USH2A: variants seen among roughly 807,000 people sequenced by gnomAD.
The protein encoded by USH2A is usherin, also known as Usher syndrome 2A (autosomal recessive, mild).
A neutral mutation model predicts 538.9 loss-of-function variants in USH2A; 443 were observed. The observed-to-expected ratio is 0.82, with a 90% CI of 0.76 to 0.89. USH2A has a LOEUF of 0.89. USH2A is among the 40% of genes least tolerant of loss of function. The pLI, the probability that USH2A is intolerant of heterozygous loss-of-function variation, is 0.00. For synonymous variants in USH2A, 2,413 were observed against 2,273.5 expected (o/e 1.06, Z -1.75); for missense variants, 6,633 against 6,324.8 (o/e 1.05, Z -1.65).
intron 4 of USH2A, among the ~76,000 whole-genome samples, chr1:216,336,482 T>G (rs1304840735): frequency 6.6e-6 from 1 of 151,166 alleles, no homozygotes; most frequent in Non-Finnish European, 1.5e-5. Context: ...CATAGAAAAC[T>G]CTAAGAAATC....
intron 5 of USH2A, among the ~76,000 whole-genome samples, chr1:216,325,943 A>T (rs1311011230): frequency 6.6e-6 from 1 of 152,314 alleles, no homozygotes; most frequent in African/African-American, 2.4e-5. Flanking sequence ...TTTACTTAGG[A>T]TGCTAAACTA....
At chr1:215,803,083 C>T (rs1055835650) in intron 49 of USH2A, among the ~76,000 whole-genome samples, 65 of 152,068 alleles carry the variant, frequency 4.3e-4, no homozygotes, top group East Asian at 1.3e-3. Context: ...AATTCAACAA[C>T]GCTTCATGCT....
intron 9 of USH2A, among the ~76,000 whole-genome samples, chr1:216,292,989 C>T (rs1404740035): frequency 1.3e-5 from 2 of 151,152 alleles, no homozygotes; most frequent in East Asian, 3.9e-4. Flanking sequence ...GCCTTCATCT[C>T]ACCTATAACT....
intron 38 of USH2A, among the ~76,000 whole-genome samples, chr1:215,901,841 T>C (rs1472852155): frequency 6.6e-6 from 1 of 152,176 alleles, no homozygotes; most frequent in Non-Finnish European, 1.5e-5. Context: ...TCCAAAGCTA[T>C]TCAGAAACTT....
chr1:216,332,758 A>G (rs1026498223), intron 4 of USH2A, among the ~76,000 whole-genome samples: 3 of 152,166 alleles, frequency 2.0e-5, no homozygotes, highest in Admixed American at 6.6e-5. Context: ...ATCACATATG[A>G]CAAAGAAACA....
At chr1:216,233,934 A>G (rs2102525652) in intron 13 of USH2A, among the ~76,000 whole-genome samples, 1 of 152,308 alleles carries the variant, frequency 6.6e-6, no homozygotes, top group African/African-American at 2.4e-5. Flanking sequence ...AAGCCCGTGC[A>G]AAATGCTGCA....
intron 62 of USH2A, 86 bp from the exon 63 acceptor site, chr1:215,675,702 C>A: frequency 4.4e-6 from 7 of 1,603,564 alleles, no homozygotes; most frequent in South Asian, 3.4e-5. Flanking sequence ...CCTTCACCCC[C>A]TTGTTCCTTA....
chr1:216,192,881 C>G (rs1022949195), intron 19 of USH2A, among the ~76,000 whole-genome samples: 2 of 152,010 alleles, frequency 1.3e-5, no homozygotes, highest in African/African-American at 4.8e-5. Context: ...ATAATAATCA[C>G]TAATAATAAT....
In USH2A at chr1:215,635,904, A is replaced by G. The variant is rs375054805; in HGVS notation, c.15053-1201T>C. ...GAAGATAGGAGAGAGGCTGACAAGA[A>G]TCATGCAGGATAGGCGAAGGCAGTG... On this transcript the variant is annotated intron_variant, in intron 69 of 71. Transcript: ENST00000307340. Among the ~76,000 whole-genome samples, 210 of 150,218 alleles carry G rather than the reference A, an allele frequency of 1.4e-3. 2 individuals are homozygous for G. Among genetic ancestry groups the G allele is most frequent in the African/African-American group, 5.0e-3 (204 of 41,046 alleles).
chr1:215,647,760 G>C, intron 66 of USH2A, 30 bp from the exon 67 acceptor site: 3 of 1,610,210 alleles, frequency 1.9e-6, no homozygotes, highest in Non-Finnish European at 1.7e-6. Flanking sequence ...GTAGAGTCAA[G>C]ACGGGTAATG....
chr1:216,041,234 A>G (rs564578114), intron 32 of USH2A, among the ~76,000 whole-genome samples: 7 of 152,118 alleles, frequency 4.6e-5, no homozygotes, highest in Middle Eastern at 3.4e-3. Context: ...AACTGGATTC[A>G]TTTTTCAGTG....
chr1:215,717,298 A>G (rs933353455), intron 61 of USH2A, among the ~76,000 whole-genome samples: 6 of 152,208 alleles, frequency 3.9e-5, no homozygotes, highest in African/African-American at 1.2e-4. Flanking sequence ...CCCTGCCAAG[A>G]TGATAGAAAG....
Position 216,107,686 on chromosome 1 carries a change from C to CTTT in USH2A, c.4628-10476_4628-10474dup, listed in dbSNP as rs34087316. Among the ~76,000 whole-genome samples, 6 of 142,672 alleles carry CTTT rather than the reference C, an allele frequency of 4.2e-5. No homozygotes were observed. In the South Asian group the frequency reaches 1.3e-3, roughly 31 times the overall value. 93.6% of individuals were successfully genotyped at this position (142,672 alleles called of 152,430 possible). A position where few individuals can be genotyped will look rare whatever the true frequency, so the allele number is the denominator to read the frequency against. On this transcript the variant is annotated intron_variant, in intron 21 of 71. Transcript: ENST00000307340. Reference sequence around the variant, plus strand: ...TTCTCTCTTTTCTTACTTTCTTCTTCTTTTTTTTTTTTGCATTTGCTGTTT... The same window carrying CTTT: ...TTCTCTCTTTTCTTACTTTCTTCTTCTTTTTTTTTTTTTTTGCATTTGCTGTTT...
chr1:216,049,852 G>T (rs548986536), intron 30 of USH2A, among the ~76,000 whole-genome samples: 55 of 152,166 alleles, frequency 3.6e-4, no homozygotes, highest in Non-Finnish European at 6.9e-4. Flanking sequence ...AGGCATCTCC[G>T]TGGGCTACTG....
At chr1:216,083,954 A>G (rs2032032835) in intron 25 of USH2A, among the ~76,000 whole-genome samples, 1 of 152,012 alleles carries the variant, frequency 6.6e-6, no homozygotes, top group African/African-American at 2.4e-5. Context: ...TGTAGATTAT[A>G]TTATTAATAT....
chr1:216,073,136 C>T lies in USH2A; in HGVS notation c.5737G>A (p.Glu1913Lys). 6.2e-7 allele frequency: 1 copy of T among 1,613,872 alleles called. No individual in the cohort carries two copies. Among genetic ancestry groups the T allele is most frequent in the Admixed American group, 1.7e-5 (1 of 59,932 alleles). The change falls in exon 28 of 72, where the codon GAG (glutamate) becomes AAG (lysine). Residue 1913 changes from glutamate (E) to lysine (K), a missense_variant. Coordinates refer to ENST00000307340, the MANE Select transcript of USH2A (RefSeq NM_206933.4). ...AGACCACCCTCGTAAACACTCTGCT[C>T]TTTTCCCTGGTAAACCAGGATGGAG... is the stretch of plus-strand genomic sequence containing the variant. ...NDSILVYQGK[E>K]QSVYEGGLQP...
chr1:215,657,875 C>T (rs1396183957), intron 64 of USH2A, among the ~76,000 whole-genome samples: 3 of 151,844 alleles, frequency 2.0e-5, no homozygotes, highest in Non-Finnish European at 4.4e-5. Flanking sequence ...TCCTCTAATA[C>T]CTGAAGAAGG....
At chr1:215,876,816 A>G (rs1489323939) in intron 43 of USH2A, among the ~76,000 whole-genome samples, 1 of 152,154 alleles carries the variant, frequency 6.6e-6, no homozygotes, top group African/African-American at 2.4e-5. Context: ...AAGCTGAAAG[A>G]GCAAGTGTTG....
chr1:215,847,973 C>A (rs1342549509), intron 44 of USH2A, among the ~76,000 whole-genome samples: 1 of 152,112 alleles, frequency 6.6e-6, no homozygotes, highest in East Asian at 1.9e-4. Context: ...TATTGGAAGA[C>A]CTTTAGCAAT....
Sources: gnomAD v4.1 joint callset for allele counts (sites outside exome capture counted in the v4.1 genomes callset) on GRCh38, gnomAD v4.1.1 for gene constraint, MANE v1.5 for transcripts, NCBI Gene and HGNC (gene_info 2026-07-23, HGNC 2026-07-21) for gene names.